Variants in RANBP2 observed in about 807,000 individuals in gnomAD.
RANBP2 encodes the protein RAN binding protein 2.
RANBP2 carries 57 observed loss-of-function variants against 303.6 expected under a neutral mutation model. That is an observed-to-expected ratio of 0.19 (90% confidence interval 0.15 to 0.23). The LOEUF is 0.23. Among genes scored for constraint, RANBP2 ranks in the 10% least tolerant of loss-of-function variants. The pLI, the probability that RANBP2 is intolerant of heterozygous loss-of-function variation, is 1.00. For missense variants in RANBP2, 3,138 were observed against 3,780.8 expected, an observed-to-expected ratio of 0.83 and a Z score of 4.46; for synonymous variants, 1,167 against 1,301.5, an observed-to-expected ratio of 0.90 and a Z score of 2.23.
the RANBP2 span, among the ~76,000 whole-genome samples, chr2:109,507,814 A>G: frequency 6.6e-6 from 1 of 152,222 alleles, no homozygotes; most frequent in African/African-American, 2.4e-5. Flanking sequence ...CTGAGGGCAG[A>G]CAATCAGACG....
the RANBP2 span, among the ~76,000 whole-genome samples, chr2:109,004,703 G>A: frequency 2.6e-5 from 4 of 152,136 alleles, no homozygotes; most frequent in African/African-American, 9.7e-5. Context: ...TTACCTCCTG[G>A]AAAGAATCTC....
At chr2:109,763,875 A>G in the RANBP2 span, among the ~76,000 whole-genome samples, 2 of 148,346 alleles carry the variant, frequency 1.3e-5, 1 homozygote, top group African/African-American at 5.0e-5. Flanking sequence ...AATCTGAGCT[A>G]GTTTATTCTT....
Position 108,730,811 on chromosome 2 carries a change from C to T in RANBP2, c.178C>T (p.Pro60Ser), listed in dbSNP as rs760157252. The T allele has an allele frequency of 3.7e-6, 6 of 1,611,574 alleles. No homozygotes were observed. Among genetic ancestry groups the T allele is most frequent in the African/African-American group, 1.3e-5 (1 of 74,932 alleles). Residue 60 changes from proline (P) to serine (S), a missense_variant, in exon 3 of 29, where the codon CCC becomes TCC. This residue lies in a region of RANBP2 where 306 missense variants were observed against 381.9 expected (regional missense o/e 0.80). Transcript: ENST00000283195. ...CTYINVQERD[P>S]KAHRFLGLLY... ...TTACATTAATGTGCAAGAGAGGGAT[C>T]CCAAAGCTCACAGATTTCTGGGTCT...
the RANBP2 span, among the ~76,000 whole-genome samples, chr2:109,281,786 G>A: frequency 1.3e-5 from 2 of 152,162 alleles, no homozygotes; most frequent in African/African-American, 4.8e-5. Context: ...GAGGTTCTGT[G>A]CCAATGGACA....
chr2:108,983,005 T>C, the RANBP2 span, among the ~76,000 whole-genome samples: 1 of 152,216 alleles, frequency 6.6e-6, no homozygotes, highest in Non-Finnish European at 1.5e-5. Flanking sequence ...TGGTACTTAT[T>C]GGAGATTTTA....
the RANBP2 span, among the ~76,000 whole-genome samples, chr2:109,291,941 A>G: frequency 7.9e-5 from 12 of 152,184 alleles, no homozygotes; most frequent in Non-Finnish European, 4.4e-5. Flanking sequence ...TCGGCTCACC[A>G]CAAGCCCTGC....
At chr2:109,172,791 A>G in the RANBP2 span, among the ~76,000 whole-genome samples, 1 of 152,256 alleles carries the variant, frequency 6.6e-6, no homozygotes, top group African/African-American at 2.4e-5. Context: ...GGGTTACGGA[A>G]GTGGTCTAAG....
the RANBP2 span, among the ~76,000 whole-genome samples, chr2:109,569,698 A>G: frequency 6.6e-6 from 1 of 152,178 alleles, no homozygotes; most frequent in African/African-American, 2.4e-5. Flanking sequence ...ATACTTAGGT[A>G]TTCAACAAAT....
At chr2:108,790,692 C>G (rs1482395312), downstream of RANBP2, among the ~76,000 whole-genome samples, 4 of 152,232 alleles carry the variant, frequency 2.6e-5, no homozygotes, top group Non-Finnish European at 2.9e-5. Context: ...CAGAGTGAGA[C>G]TCCGTCTCAA....
At chr2:109,347,728 C>A in the RANBP2 span, 1 of 1,613,920 alleles carries the variant, frequency 6.2e-7, no homozygotes, top group Admixed American at 1.7e-5. Flanking sequence ...GGGGAAGGAA[C>A]CTGGTGACCT....
the RANBP2 span, among the ~76,000 whole-genome samples, chr2:109,160,156 C>T: frequency 1.3e-5 from 2 of 152,156 alleles, no homozygotes; most frequent in East Asian, 3.9e-4. Flanking sequence ...TCTGCATGGG[C>T]CAGGTGTCAC....
the RANBP2 span, among the ~76,000 whole-genome samples, chr2:109,494,461 G>A: frequency 6.6e-6 from 1 of 152,200 alleles, no homozygotes; most frequent in South Asian, 2.1e-4. Context: ...CGGAGCTGAG[G>A]GCATGACTGG....
the RANBP2 span, among the ~76,000 whole-genome samples, chr2:109,312,164 A>C: frequency 6.6e-6 from 1 of 152,192 alleles, no homozygotes; most frequent in Admixed American, 6.5e-5. Flanking sequence ...CAGAACTCCA[A>C]ATCTTACAAA....
At chr2:109,665,024 A>G in the RANBP2 span, among the ~76,000 whole-genome samples, 6 of 152,326 alleles carry the variant, frequency 3.9e-5, no homozygotes, top group Admixed American at 6.5e-5. Flanking sequence ...TTATACCAAA[A>G]TGAGATATCA....
At chr2:109,055,116 G>A in the RANBP2 span, among the ~76,000 whole-genome samples, 1 of 152,074 alleles carries the variant, frequency 6.6e-6, no homozygotes, top group African/African-American at 2.4e-5. Context: ...AGCATTTCTT[G>A]ATGGTTTTAA....
At chr2:108,791,123 TTAAC>T in the RANBP2 span, among the ~76,000 whole-genome samples, 1 of 152,124 alleles carries the variant, frequency 6.6e-6, no homozygotes, top group Non-Finnish European at 1.5e-5. Flanking sequence ...ATATATTATA[TTAAC>T]TAATATTTTT....
the RANBP2 span, among the ~76,000 whole-genome samples, chr2:109,078,131 ATATAGCGTG>A: frequency 0.018 from 1,647 of 89,606 alleles, 166 homozygotes; most frequent in Non-Finnish European, 0.027. Flanking sequence ...GTGTATATAT[ATATAGCGTG>A]TATATATATA....
the RANBP2 span, among the ~76,000 whole-genome samples, chr2:109,115,813 T>C: frequency 1.3e-5 from 2 of 152,250 alleles, no homozygotes; most frequent in African/African-American, 2.4e-5. Flanking sequence ...GGAGCTCTTT[T>C]AGGGCAGGCC....
chr2:108,777,807 T>C (rs1677990052), intron 25 of RANBP2, among the ~76,000 whole-genome samples: 1 of 152,156 alleles, frequency 6.6e-6, no homozygotes. Flanking sequence ...ATTCTTGTAA[T>C]ATCTTTCACA....
Sources: allele counts gnomAD v4.1 joint callset (sites outside exome capture counted in the v4.1 genomes callset), GRCh38; gene constraint gnomAD v4.1.1; regional missense constraint gnomAD v4.1.1; transcripts MANE v1.5; gene names NCBI Gene and HGNC (gene_info 2026-07-23, HGNC 2026-07-21).